PCBP3: variants seen among roughly 807,000 people sequenced by gnomAD.
PCBP3 encodes the protein poly(rC) binding protein 3.
In PCBP3, 25 loss-of-function variants were observed where a neutral mutation model predicts 52.7. The ratio of observed to expected loss-of-function variants is 0.47; its 90% CI spans 0.35 to 0.66. The LOEUF is 0.66. PCBP3 is among the 30% of genes least tolerant of loss of function. PCBP3 has a pLI of 0.01. For synonymous variants in PCBP3, 162 were observed against 183.0 expected, an observed-to-expected ratio of 0.89 and a Z score of 0.93; for missense variants, 391 against 490.3, an observed-to-expected ratio of 0.80 and a Z score of 1.91.
chr21:45,719,911 G>T (rs981250232), intron 2 of PCBP3, among the ~76,000 whole-genome samples: 2 of 152,098 alleles, frequency 1.3e-5, no homozygotes, highest in African/African-American at 4.8e-5. Flanking sequence ...GTAAGAGGAA[G>T]TGGAAACCTG....
rs138087982 is a variant in PCBP3, at chr21:45,836,979, G to A, written c.-125-12982G>A. The stretch of plus-strand genomic sequence containing the variant: ...TCATGCGGCTCGCTTGCCATTGTGA[G>A]TGATGCTTCCGTGGACATTCCTGTG... On this transcript the variant is annotated intron_variant, in intron 4 of 17. Transcript: ENST00000681687. Among the ~76,000 whole-genome samples the A allele has an allele frequency of 2.6e-4, 40 of 152,282 alleles. No individual in the cohort carries two copies. The East Asian group carries it at 7.0e-3, about 26-fold the overall frequency.
intron 3 of PCBP3, chr21:45,744,118 T>TTATATATATA (rs36076219): frequency 6.6e-6 from 1 of 150,474 alleles, no homozygotes; most frequent in African/African-American, 2.4e-5. Flanking sequence ...TGTATATGTT[T>TTATATATATA]TATATATATA....
chr21:45,670,163 G>A (rs961982144), intron 2 of PCBP3, among the ~76,000 whole-genome samples: 2 of 151,988 alleles, frequency 1.3e-5, no homozygotes, highest in South Asian at 4.2e-4. Flanking sequence ...TGGGTATGAG[G>A]TGACATCTCT....
intron 4 of PCBP3, among the ~76,000 whole-genome samples, chr21:45,757,646 G>A (rs2088193741): frequency 6.6e-6 from 1 of 152,164 alleles, no homozygotes; most frequent in Admixed American, 6.5e-5. Context: ...TAAGAAGTTT[G>A]TAGTCTTAGC....
chr21:45,870,508 C>G (rs977025482), intron 5 of PCBP3, among the ~76,000 whole-genome samples: 2 of 152,238 alleles, frequency 1.3e-5, no homozygotes, highest in Non-Finnish European at 1.5e-5. Flanking sequence ...TTCCCTCCTC[C>G]CCAGCCCTCC....
chr21:45,935,649 G>T, intron 16 of PCBP3: 1 of 425,810 alleles, frequency 2.3e-6, no homozygotes, highest in Admixed American at 2.9e-5. Flanking sequence ...GGTGGCCCAG[G>T]AATGCTCTAG....
At chr21:45,909,765 C>T (rs1417872209) in intron 10 of PCBP3, among the ~76,000 whole-genome samples, 15 of 120,426 alleles carry the variant, frequency 1.2e-4, no homozygotes, top group African/African-American at 1.6e-4. Flanking sequence ...GATACGGACC[C>T]CCCCCACCCA....
Position 45,850,076 on chromosome 21 carries a change from T to C in PCBP3, c.-10T>C. 2 of 1,550,008 alleles carry C rather than the reference T, an allele frequency of 1.3e-6. No homozygotes were observed. The highest frequency in any genetic ancestry group is 2.4e-5 in the South Asian group (2 of 84,030). ...GTCTATGGATCTGCTCTAAACCTTA[T>C]AGCCTGCTTATGGGGGAAGGTGAGT... On this transcript the variant is annotated 5_prime_UTR_variant, in exon 5 of 18. Coordinates refer to ENST00000681687, the MANE Select transcript of PCBP3 (RefSeq NM_001384156.1).
chr21:45,644,287 C>CGGCGG (rs1216142650), intron 1 of PCBP3, among the ~76,000 whole-genome samples: 5 of 151,666 alleles, frequency 3.3e-5, no homozygotes, highest in African/African-American at 7.2e-5. Context: ...GGCTGGAGGG[C>CGGCGG]GGCGGGGCGG....
At chr21:45,900,973 G>A (rs760975159) in intron 8 of PCBP3, 24 bp from the exon 9 acceptor site, 2 of 1,563,364 alleles carry the variant, frequency 1.3e-6, no homozygotes, top group Non-Finnish European at 1.8e-6. Flanking sequence ...TCAGGTCGCT[G>A]GGGTTTCTCT....
intron 4 of PCBP3, among the ~76,000 whole-genome samples, chr21:45,819,946 G>C (rs1433522802): frequency 6.6e-6 from 1 of 152,228 alleles, no homozygotes; most frequent in Non-Finnish European, 1.5e-5. Context: ...TGAAGGTCCA[G>C]GGCCTGGCCA....
chr21:45,855,018 G>A (rs547710957), intron 5 of PCBP3, among the ~76,000 whole-genome samples: 11 of 152,332 alleles, frequency 7.2e-5, no homozygotes, highest in African/African-American at 1.7e-4. Context: ...GGAACAGCTC[G>A]AAGAGCAGGA....
intron 1 of PCBP3, among the ~76,000 whole-genome samples, chr21:45,654,859 C>T (rs147347762): frequency 2.6e-5 from 4 of 152,272 alleles, no homozygotes; most frequent in African/African-American, 9.6e-5. Flanking sequence ...ACCTCATACA[C>T]AGTAACTACC....
At chr21:45,690,822 G>A (rs539897739) in intron 2 of PCBP3, among the ~76,000 whole-genome samples, 3 of 152,108 alleles carry the variant, frequency 2.0e-5, no homozygotes, top group South Asian at 2.1e-4. Flanking sequence ...AAGAGATACC[G>A]GTATACATCT....
At chr21:45,941,281 C>T (rs1331863484) in intron 17 of PCBP3, among the ~76,000 whole-genome samples, 1 of 152,164 alleles carries the variant, frequency 6.6e-6, no homozygotes, top group Non-Finnish European at 1.5e-5. Flanking sequence ...CCACTGGGAC[C>T]CGTGCTTGGG....
At chr21:45,731,412 C>G (rs1056362630) in intron 2 of PCBP3, among the ~76,000 whole-genome samples, 4 of 152,184 alleles carry the variant, frequency 2.6e-5, no homozygotes, top group African/African-American at 9.6e-5. Context: ...GTCAGTCATG[C>G]TTCTACATAC....
intron 4 of PCBP3, among the ~76,000 whole-genome samples, chr21:45,765,441 T>C (rs1222941799): frequency 2.6e-5 from 4 of 152,178 alleles, no homozygotes; most frequent in African/African-American, 9.7e-5. Context: ...ACAGCTCAAA[T>C]AGAGAAAACC....
At chr21:45,938,211 T>C (rs547624015) in intron 16 of PCBP3, among the ~76,000 whole-genome samples, 11 of 152,312 alleles carry the variant, frequency 7.2e-5, no homozygotes, top group African/African-American at 2.4e-4. Context: ...CAACAGCACA[T>C]GTGCACAAGG....
intron 5 of PCBP3, among the ~76,000 whole-genome samples, chr21:45,883,221 T>A (rs1250807837): frequency 6.6e-6 from 1 of 152,220 alleles, no homozygotes; most frequent in African/African-American, 2.4e-5. Flanking sequence ...TTTCCATGAT[T>A]GATTCTGGTT....
Sources: gnomAD v4.1 joint callset for allele counts (sites outside exome capture counted in the v4.1 genomes callset) on GRCh38, gnomAD v4.1.1 for gene constraint, MANE v1.5 for transcripts, NCBI Gene and HGNC (gene_info 2026-07-23, HGNC 2026-07-21) for gene names.